Variants in TNRC6B observed in about 807,000 individuals in gnomAD.
The protein encoded by TNRC6B is trinucleotide repeat containing adaptor 6B, also known as trinucleotide repeat-containing gene 6B protein.
TNRC6B carries 52 observed loss-of-function variants against 203.6 expected under a neutral mutation model. That is an observed-to-expected ratio of 0.26 (90% CI 0.20 to 0.32). TNRC6B has a LOEUF of 0.32. Among genes scored for constraint, TNRC6B ranks in the 10% least tolerant of loss-of-function variants. TNRC6B has a pLI of 1.00. For synonymous variants in TNRC6B, 838 were observed against 845.7 expected, an observed-to-expected ratio of 0.99 and a Z score of 0.16; for missense variants, 1,923 against 2,286.2, an observed-to-expected ratio of 0.84 and a Z score of 3.24.
intron 2 of TNRC6B, among the ~76,000 whole-genome samples, chr22:40,121,919 A>G (rs2068450321): frequency 1.3e-5 from 2 of 152,372 alleles, no homozygotes; most frequent in South Asian, 2.1e-4. Flanking sequence ...AAGCTAGTGT[A>G]TAACTATAAA....
At chr22:40,076,807 C>A (rs1252759204) in intron 1 of TNRC6B, among the ~76,000 whole-genome samples, 2 of 152,126 alleles carry the variant, frequency 1.3e-5, no homozygotes, top group Non-Finnish European at 2.9e-5. Context: ...CTAAGCTTTA[C>A]CTTTAGCTTG....
At chr22:40,107,007 T>C in intron 1 of TNRC6B, 1 of 1,148,020 alleles carries the variant, frequency 8.7e-7, no homozygotes, top group Non-Finnish European at 1.3e-6. Flanking sequence ...CTTCACTTTT[T>C]TCTTAAGGAT....
At chr22:40,044,994 C>G (rs947753611) in exon 1 of TNRC6B, 2 of 150,416 alleles carry the variant, frequency 1.3e-5, no homozygotes, top group Non-Finnish European at 3.0e-5. Flanking sequence ...CGGCACGGCT[C>G]GGCGGTGAGT....
At chr22:40,066,891 C>G (rs942836713) in intron 1 of TNRC6B, among the ~76,000 whole-genome samples, 1 of 138,364 alleles carries the variant, frequency 7.2e-6, no homozygotes, top group African/African-American at 2.6e-5. Context: ...AGCTTCTTTT[C>G]TTTTTTTTTT....
At chr22:40,087,120 T>G (rs748980737) in intron 1 of TNRC6B, among the ~76,000 whole-genome samples, 10 of 152,224 alleles carry the variant, frequency 6.6e-5, no homozygotes, top group Non-Finnish European at 1.0e-4. Context: ...CTTAGTTTTG[T>G]GTTTGGTGTA....
At chr22:40,281,096 G>A in intron 10 of TNRC6B, 23 bp from the exon 11 acceptor site, 3 of 1,535,188 alleles carry the variant, frequency 2.0e-6, no homozygotes, top group Non-Finnish European at 8.8e-7. Context: ...CGTTGTGATT[G>A]GCTAACTCCT....
At chr22:40,094,683 A>C (rs1368759086) in intron 1 of TNRC6B, among the ~76,000 whole-genome samples, 2 of 152,358 alleles carry the variant, frequency 1.3e-5, no homozygotes, top group South Asian at 2.1e-4. Flanking sequence ...CTGTTACTTA[A>C]ACGAAAAGTG....
At chr22:40,274,655 C>T (rs541091829) in intron 7 of TNRC6B, among the ~76,000 whole-genome samples, 25 of 152,240 alleles carry the variant, frequency 1.6e-4, no homozygotes, top group African/African-American at 6.0e-4. Flanking sequence ...CTCCTGACCT[C>T]GTGATCCCGT....
chr22:40,319,422 C>CTTTTTTTTTTT (rs374148213), intron 21 of TNRC6B, among the ~76,000 whole-genome samples: 3 of 112,710 alleles, frequency 2.7e-5, no homozygotes, highest in Admixed American at 8.5e-5. Context: ...CTTTTCTTTT[C>CTTTTTTTTTTT]TTTTTTTTTT....
At chr22:40,063,587 C>T (rs1000507924) in intron 1 of TNRC6B, among the ~76,000 whole-genome samples, 7 of 152,086 alleles carry the variant, frequency 4.6e-5, no homozygotes, top group Non-Finnish European at 5.9e-5. Context: ...TAATTTATTT[C>T]GACGTTTTAT....
chr22:40,059,172 T>G (rs2067826775), intron 1 of TNRC6B, among the ~76,000 whole-genome samples: 1 of 152,204 alleles, frequency 6.6e-6, no homozygotes, highest in Non-Finnish European at 1.5e-5. Flanking sequence ...TATGTAAAAT[T>G]TTCTCCCTGC....
chr22:40,297,552 G>A (rs895653082), intron 12 of TNRC6B, among the ~76,000 whole-genome samples: 1 of 152,190 alleles, frequency 6.6e-6, no homozygotes, highest in Non-Finnish European at 1.5e-5. Flanking sequence ...GGCCAGGCAC[G>A]GTGGCTCACG....
chr22:40,286,567 G>C (rs2070785627), intron 12 of TNRC6B, among the ~76,000 whole-genome samples: 1 of 152,128 alleles, frequency 6.6e-6, no homozygotes, highest in Non-Finnish European at 1.5e-5. Flanking sequence ...ATGTTGAGGA[G>C]CTGTATGCCA....
chr22:40,273,339 G>A (rs1043665643), intron 6 of TNRC6B, 86 bp from the exon 7 acceptor site: 32 of 1,275,524 alleles, frequency 2.5e-5, no homozygotes, highest in Non-Finnish European at 3.3e-5. Context: ...ACAAAGACAC[G>A]TAAATGCTGC....
At chr22:40,154,657 G>C (rs182235895) in intron 3 of TNRC6B, among the ~76,000 whole-genome samples, 1 of 149,846 alleles carries the variant, frequency 6.7e-6, no homozygotes. Flanking sequence ...CGGCTGACAC[G>C]GTGAAACCCC....
chr22:40,119,780 C>A (rs2068426546), intron 2 of TNRC6B, among the ~76,000 whole-genome samples: 1 of 152,232 alleles, frequency 6.6e-6, no homozygotes, highest in Non-Finnish European at 1.5e-5. Flanking sequence ...TCACTTCTTA[C>A]ATGGAACCCT....
chr22:40,290,903 G>C (rs777190153), intron 12 of TNRC6B, among the ~76,000 whole-genome samples: 1 of 152,098 alleles, frequency 6.6e-6, no homozygotes, highest in Non-Finnish European at 1.5e-5. Context: ...AGAGACTTGG[G>C]TACTACAGAT....
At position 40,266,809 on chromosome 22, in the gene TNRC6B, G is replaced by C; in HGVS notation, c.2579G>C (p.Ser860Thr). The change falls in exon 5 of 23, where the codon AGC becomes ACC. Residue 860 changes from serine to threonine, a missense_variant. By Grantham distance (58) the Ser-to-Thr change is moderately conservative. Coordinates refer to ENST00000454349, the MANE Select transcript of TNRC6B (RefSeq NM_001162501.2). Reference protein sequence around the residue: ...NVRPSNSSWSSGPQPATPKDE... With the variant: ...NVRPSNSSWSTGPQPATPKDE... ...CGACCTTCCAATTCCAGCTGGAGCAGCGGGCCACAGCCTGCAACACCTAAG... is the reference window on the plus strand; with the variant it reads ...CGACCTTCCAATTCCAGCTGGAGCACCGGGCCACAGCCTGCAACACCTAAG... 1 of 1,613,808 alleles carries C rather than the reference G, an allele frequency of 6.2e-7. No homozygotes were observed. The highest frequency in any genetic ancestry group is 8.5e-7 in the Non-Finnish European group (1 of 1,179,768).
intron 1 of TNRC6B, among the ~76,000 whole-genome samples, chr22:40,050,960 G>A (rs560404448): frequency 6.6e-6 from 1 of 151,996 alleles, no homozygotes; most frequent in East Asian, 1.9e-4. Flanking sequence ...GAGTAGCTAG[G>A]ACTACAGGTG....
Sources: allele counts gnomAD v4.1 joint callset (sites outside exome capture counted in the v4.1 genomes callset), GRCh38; gene constraint gnomAD v4.1.1; transcripts MANE v1.5; gene names NCBI Gene and HGNC (gene_info 2026-07-23, HGNC 2026-07-21).